Variants in FAT3 observed in about 807,000 individuals in gnomAD.
FAT3 encodes protocadherin Fat 3.
In FAT3, 95 loss-of-function variants were observed where a neutral mutation model predicts 310.2. The ratio of observed to expected loss-of-function variants is 0.31; its 90% CI spans 0.26 to 0.36. The LOEUF (loss-of-function observed/expected upper bound fraction) is 0.36, where lower values mean the gene tolerates loss of function less well. Ranked by LOEUF, FAT3 falls within the 10% of genes least tolerant of loss-of-function variation. The pLI is 1.00. For synonymous variants in FAT3, 2,314 were observed against 2,192.9 expected, an observed-to-expected ratio of 1.06 and a Z score of -1.54; for missense variants, 5,408 against 5,715.6, an observed-to-expected ratio of 0.95 and a Z score of 1.74.
At chr11:92,257,154 G>A (rs375817628) in intron 1 of FAT3, among the ~76,000 whole-genome samples, 31 of 152,058 alleles carry the variant, frequency 2.0e-4, no homozygotes, top group East Asian at 1.2e-3. Context: ...AAATTCCCAT[G>A]TGCTAAGACT....
chr11:92,576,142 G>A (rs1459889277), intron 3 of FAT3, among the ~76,000 whole-genome samples: 1 of 152,138 alleles, frequency 6.6e-6, no homozygotes, highest in Non-Finnish European at 1.5e-5. Flanking sequence ...TCTTAAGGGA[G>A]GACTTCAGGT....
chr11:92,632,452 TGAG>T (rs1385248315), intron 3 of FAT3, among the ~76,000 whole-genome samples: 1 of 152,050 alleles, frequency 6.6e-6, no homozygotes, highest in East Asian at 1.9e-4. Context: ...CTGTATGCAG[TGAG>T]GGGATGAGCA....
intron 2 of FAT3, among the ~76,000 whole-genome samples, chr11:92,468,261 C>T (rs1461704022): frequency 6.6e-6 from 1 of 152,104 alleles, no homozygotes; most frequent in African/African-American, 2.4e-5. Flanking sequence ...GAAGTAACTC[C>T]CCTGCCATGC....
rs756669808 is a variant in FAT3 at position 92,837,814 on chromosome 11, A to C, written c.10368+8A>C. 1 of 1,613,842 alleles carries C rather than the reference A, an allele frequency of 6.2e-7. No homozygotes were observed. Among genetic ancestry groups the C allele is most frequent in the South Asian group, 1.1e-5 (1 of 91,058 alleles). ...TATACTGCTGTGATTCAGGTGAGAA[A>C]ATCTTGCCTGCCAAGCACTTGTCCC... On this transcript the variant is annotated splice_region_variant and intron_variant, in intron 17 of 27. Coordinates refer to ENST00000525166, the MANE Select transcript of FAT3 (RefSeq NM_001367949.2).
chr11:92,835,527 GT>G (rs1948383675), intron 15 of FAT3, among the ~76,000 whole-genome samples: 1 of 152,124 alleles, frequency 6.6e-6, no homozygotes, highest in Non-Finnish European at 1.5e-5. Flanking sequence ...CTAAGAGTAA[GT>G]TTCAAATGTT....
chr11:92,547,256 G>A (rs778837571), intron 3 of FAT3, among the ~76,000 whole-genome samples: 5 of 152,134 alleles, frequency 3.3e-5, no homozygotes, highest in Non-Finnish European at 7.4e-5. Context: ...CTGGAAGGTT[G>A]CCCTGAAGTT....
chr11:92,295,506 C>G (rs1946826875), intron 1 of FAT3, among the ~76,000 whole-genome samples: 1 of 152,102 alleles, frequency 6.6e-6, no homozygotes, highest in Non-Finnish European at 1.5e-5. Context: ...GTCAAAAATG[C>G]ATTATCTTCA....
chr11:92,269,951 C>T (rs1055625064), intron 1 of FAT3, among the ~76,000 whole-genome samples: 4 of 152,004 alleles, frequency 2.6e-5, no homozygotes, highest in African/African-American at 4.8e-5. Context: ...TTTTTAAATG[C>T]GTTAAGTTAT....
intron 1 of FAT3, among the ~76,000 whole-genome samples, chr11:92,275,402 C>G (rs549387685): frequency 6.6e-6 from 1 of 152,002 alleles, no homozygotes; most frequent in Admixed American, 6.6e-5. Context: ...CCTTATTCAA[C>G]CTTATTTTTT....
At chr11:92,752,755 T>G (rs1273681195) in intron 4 of FAT3, among the ~76,000 whole-genome samples, 1 of 152,196 alleles carries the variant, frequency 6.6e-6, no homozygotes. Flanking sequence ...ATAAGCATAG[T>G]CATCGACTGA....
At chr11:92,306,917 A>G (rs1050456222) in intron 1 of FAT3, among the ~76,000 whole-genome samples, 3 of 149,278 alleles carry the variant, frequency 2.0e-5, no homozygotes, top group Non-Finnish European at 4.4e-5. Flanking sequence ...TAGCCTCCTG[A>G]GTAGCTGGGA....
chr11:92,427,161 G>T (rs907381629), intron 2 of FAT3, among the ~76,000 whole-genome samples: 4 of 152,124 alleles, frequency 2.6e-5, no homozygotes, highest in Non-Finnish European at 4.4e-5. Context: ...GTTCACTCAT[G>T]ATTTGGCTCT....
intron 3 of FAT3, among the ~76,000 whole-genome samples, chr11:92,582,594 T>C (rs755117859): frequency 7.9e-5 from 12 of 152,028 alleles, no homozygotes; most frequent in Admixed American, 2.6e-4. Context: ...CTCAGAGGCA[T>C]TGGATAATTT....
chr11:92,394,112 T>C (rs1006857120), intron 2 of FAT3, among the ~76,000 whole-genome samples: 1 of 152,140 alleles, frequency 6.6e-6, no homozygotes, highest in Admixed American at 6.6e-5. Flanking sequence ...AAGAATAACA[T>C]TGGCAAGTAA....
chr11:92,377,885 C>G (rs1949388209), intron 2 of FAT3, among the ~76,000 whole-genome samples: 1 of 152,210 alleles, frequency 6.6e-6, no homozygotes. Context: ...GACACGTTTT[C>G]TGGGCATCAG....
At chr11:92,635,864 A>T (rs1332179729) in intron 3 of FAT3, among the ~76,000 whole-genome samples, 1 of 152,228 alleles carries the variant, frequency 6.6e-6, no homozygotes, top group Non-Finnish European at 1.5e-5. Context: ...TAATTTCCTT[A>T]TGAAAACTAT....
chr11:92,496,669 G>A (rs556648541), intron 2 of FAT3, among the ~76,000 whole-genome samples: 61 of 152,090 alleles, frequency 4.0e-4, no homozygotes, highest in African/African-American at 1.2e-3. Flanking sequence ...CTAGGGCAGT[G>A]GTGGGGACAC....
At chr11:92,781,591 T>G (rs775872818) in intron 7 of FAT3, among the ~76,000 whole-genome samples, 11 of 152,296 alleles carry the variant, frequency 7.2e-5, no homozygotes, top group Admixed American at 2.6e-4. Flanking sequence ...TAACTCATTA[T>G]TGAAATCATC....
chr11:92,623,367 T>C (rs539489779), intron 3 of FAT3, among the ~76,000 whole-genome samples: 1 of 152,324 alleles, frequency 6.6e-6, no homozygotes, highest in Non-Finnish European at 1.5e-5. Context: ...TATCTTAATG[T>C]TCAACACATA....
Sources: gnomAD v4.1 joint callset for allele counts (sites outside exome capture counted in the v4.1 genomes callset) on GRCh38, gnomAD v4.1.1 for gene constraint, MANE v1.5 for transcripts, NCBI Gene and HGNC (gene_info 2026-07-23, HGNC 2026-07-21) for gene names.